C8orf34: variants seen among roughly 807,000 people sequenced by gnomAD.
C8orf34 encodes the protein chromosome 8 open reading frame 34.
In C8orf34, 65 loss-of-function variants were observed where a neutral mutation model predicts 68.3. The observed-to-expected ratio is 0.95, with a 90% confidence interval of 0.78 to 1.17. C8orf34 has a LOEUF of 1.17. C8orf34 is among the 50% of genes most tolerant of loss of function. The pLI, the probability that C8orf34 is intolerant of heterozygous loss-of-function variation, is 0.00. For missense variants in C8orf34, 664 were observed against 655.4 expected, an observed-to-expected ratio of 1.01 and a Z score of -0.14; for synonymous variants, 244 against 241.2, an observed-to-expected ratio of 1.01 and a Z score of -0.11.
At chr8:68,421,713 A>T (rs868621519) in intron 1 of C8orf34, among the ~76,000 whole-genome samples, 3 of 152,198 alleles carry the variant, frequency 2.0e-5, no homozygotes, top group African/African-American at 7.2e-5. Flanking sequence ...GCAGGAAGTC[A>T]TCTGTCTGCA....
At chr8:68,551,222 T>C (rs1816058521) in intron 7 of C8orf34, among the ~76,000 whole-genome samples, 1 of 151,978 alleles carries the variant, frequency 6.6e-6, no homozygotes, top group East Asian at 1.9e-4. Flanking sequence ...TTCTCTTTGC[T>C]TTTTTGTTTT....
At chr8:68,340,377 G>T (rs1806021333) in intron 1 of C8orf34, among the ~76,000 whole-genome samples, 1 of 151,926 alleles carries the variant, frequency 6.6e-6, no homozygotes, top group African/African-American at 2.4e-5. Flanking sequence ...CAAAGCCAGA[G>T]GAAAATGAGA....
chr8:68,445,613 A>C (rs1268081623), intron 2 of C8orf34, among the ~76,000 whole-genome samples: 1 of 152,154 alleles, frequency 6.6e-6, no homozygotes, highest in Non-Finnish European at 1.5e-5. Context: ...AGAGAAGATA[A>C]ATTGATTTGG....
At chr8:68,617,515 A>G (rs892171537) in intron 7 of C8orf34, among the ~76,000 whole-genome samples, 2 of 152,136 alleles carry the variant, frequency 1.3e-5, no homozygotes, top group African/African-American at 4.8e-5. Flanking sequence ...GCTTGTCTGT[A>G]AAGTATTTTA....
chr8:68,792,133 A>C (rs557588625), intron 12 of C8orf34: 1 of 152,318 alleles, frequency 6.6e-6, no homozygotes, highest in East Asian at 1.9e-4. Context: ...GCTGAAGACG[A>C]GCTCTCAATC....
intron 10 of C8orf34, among the ~76,000 whole-genome samples, chr8:68,752,986 C>T (rs113277395): frequency 1.4e-4 from 22 of 152,192 alleles, no homozygotes; most frequent in Admixed American, 5.9e-4. Flanking sequence ...TTTTGAGAAT[C>T]GTATGGTTCT....
intron 7 of C8orf34, among the ~76,000 whole-genome samples, chr8:68,628,662 G>T (rs185923928): frequency 1.3e-5 from 2 of 152,238 alleles, no homozygotes; most frequent in East Asian, 3.9e-4. Flanking sequence ...TAAAATTCTT[G>T]TGTAACCCAT....
intron 6 of C8orf34, among the ~76,000 whole-genome samples, chr8:68,532,147 AT>A (rs1276354168): frequency 1.1e-4 from 16 of 152,202 alleles, no homozygotes; most frequent in African/African-American, 2.9e-4. Flanking sequence ...GCAAGAAAGA[AT>A]CTACTTCAAA....
intron 10 of C8orf34, among the ~76,000 whole-genome samples, chr8:68,774,349 A>ATATATATATATATAT (rs562858909): frequency 1.0e-4 from 15 of 147,718 alleles, no homozygotes; most frequent in African/African-American, 2.6e-4. Flanking sequence ...ATATATATAT[A>ATATATATATATATAT]AAATAAACAA....
chr8:68,676,422 A>C (rs957733578), intron 8 of C8orf34, among the ~76,000 whole-genome samples: 4 of 152,198 alleles, frequency 2.6e-5, no homozygotes, highest in African/African-American at 9.7e-5. Context: ...ACCCCAATAC[A>C]ATAATAACTG....
chr8:68,644,340 C>T (rs1002233487), intron 8 of C8orf34, among the ~76,000 whole-genome samples: 1 of 152,066 alleles, frequency 6.6e-6, no homozygotes, highest in African/African-American at 2.4e-5. Flanking sequence ...GAAAGTTTAC[C>T]TGGGCATGGT....
intron 1 of C8orf34, among the ~76,000 whole-genome samples, chr8:68,338,602 G>A (rs1207688147): frequency 6.6e-6 from 1 of 152,020 alleles, no homozygotes; most frequent in East Asian, 1.9e-4. Context: ...ACATCTTTAA[G>A]TTAATAATTA....
In C8orf34 at chr8:68,517,481, C is replaced by T. The variant is rs1015903905; in HGVS notation, c.766-4318C>T. Among the ~76,000 whole-genome samples, 10 of 152,156 alleles carry T rather than the reference C, an allele frequency of 6.6e-5. No homozygotes were observed. The South Asian group carries it at 1.0e-3, about 16-fold the overall frequency. On this transcript the variant is annotated intron_variant, in intron 5 of 13. Coordinates refer to ENST00000518698, the MANE Select transcript of C8orf34 (RefSeq NM_052958.4). ...CTGTAAAATATTCACTTCCTAACTC[C>T]TCTGACTCTGTTTGCAGCTCTTAGT...
intron 7 of C8orf34, among the ~76,000 whole-genome samples, chr8:68,603,433 A>G (rs1817757571): frequency 6.6e-6 from 1 of 151,978 alleles, no homozygotes. Context: ...AACTGAAATA[A>G]TCCAGTTGTT....
chr8:68,575,085 A>G (rs548440950), intron 7 of C8orf34, among the ~76,000 whole-genome samples: 16 of 152,158 alleles, frequency 1.1e-4, no homozygotes, highest in African/African-American at 3.9e-4. Flanking sequence ...TGACATATCT[A>G]TATTAATTAT....
chr8:68,696,658 C>T (rs1820844171), intron 8 of C8orf34, among the ~76,000 whole-genome samples: 1 of 151,970 alleles, frequency 6.6e-6, no homozygotes, highest in Non-Finnish European at 1.5e-5. Context: ...TTCACAAGCA[C>T]TCATCTGTCC....
At chr8:68,746,071 A>G (rs1290943806) in intron 10 of C8orf34, among the ~76,000 whole-genome samples, 1 of 152,204 alleles carries the variant, frequency 6.6e-6, no homozygotes, top group Admixed American at 6.5e-5. Flanking sequence ...AGAACTCAGG[A>G]TTAAGAATCT....
At chr8:68,754,501 G>A (rs1207964412) in intron 10 of C8orf34, among the ~76,000 whole-genome samples, 1 of 152,174 alleles carries the variant, frequency 6.6e-6, no homozygotes, top group Non-Finnish European at 1.5e-5. Flanking sequence ...GGAAGCTTGA[G>A]GCCAAAGAAG....
intron 1 of C8orf34, among the ~76,000 whole-genome samples, chr8:68,335,410 G>A (rs1173925619): frequency 1.3e-5 from 2 of 152,088 alleles, no homozygotes; most frequent in Non-Finnish European, 2.9e-5. Context: ...AGTAATGATT[G>A]TCAGGTGATC....
Sources: allele counts gnomAD v4.1 joint callset (sites outside exome capture counted in the v4.1 genomes callset), GRCh38; gene constraint gnomAD v4.1.1; transcripts MANE v1.5; gene names NCBI Gene and HGNC (gene_info 2026-07-23, HGNC 2026-07-21).